Variants in HTT observed in about 807,000 individuals in gnomAD.
The protein encoded by HTT is huntington disease protein.
Under a neutral mutation model 362.3 loss-of-function variants are expected in HTT, and 104 were observed. That is an observed-to-expected ratio of 0.29 (90% CI 0.24 to 0.34). The LOEUF is 0.34. HTT is among the 10% of genes least tolerant of loss of function. The probability of loss-of-function intolerance (pLI) is 1.00; values close to 1 mark genes in which losing one functional copy is unlikely to be tolerated. For synonymous variants in HTT, 1,577 were observed against 1,548.7 expected (o/e 1.02, Z -0.43); for missense variants, 3,301 against 3,928.6 (o/e 0.84, Z 4.27).
chr4:3,127,177 G>A, intron 11 of HTT, 87 bp from the exon 12 acceptor site: 2 of 932,198 alleles, frequency 2.1e-6, no homozygotes, highest in Non-Finnish European at 3.4e-6. Flanking sequence ...TGATAACGGT[G>A]GAACTGTTCG....
chr4:3,126,939 C>G (rs1374671365), intron 11 of HTT, among the ~76,000 whole-genome samples: 3 of 152,110 alleles, frequency 2.0e-5, no homozygotes, highest in Non-Finnish European at 4.4e-5. Flanking sequence ...CTAGGCTGCC[C>G]CTTAATTACA....
Position 3,080,965 on chromosome 4 carries a change from A to G in HTT, c.263+5877A>G, listed in dbSNP as rs577887093. Among the ~76,000 whole-genome samples the G allele has an allele frequency of 7.2e-5, 11 of 152,334 alleles. No individual in the cohort carries two copies. The South Asian group carries it at 1.7e-3, about 23-fold the overall frequency. ...TTGGTCTTTATGTCGATCCTGTGCC[A>G]GTACCATACAGTCTTGATTACTGAA... On this transcript the variant is annotated intron_variant, in intron 1 of 66. Transcript: ENST00000355072.
At position 3,222,586 on chromosome 4, in the gene HTT, T is replaced by C. The variant is rs1695107738; in HGVS notation, c.7470+99T>C. The C allele has an allele frequency of 9.5e-6, 8 of 840,746 alleles. No homozygotes were observed. The South Asian group carries it at 1.3e-4, about 13-fold the overall frequency. The allele number at this position is 840,746 out of a possible 1,614,324, so 52.1% of individuals were successfully genotyped here. ...TAAGGCAGCAAGCTGGTGTTCTTTTTTTCTCTTACCTTATTTTTGAAAGAG... is the reference window on the plus strand; with the variant it reads ...TAAGGCAGCAAGCTGGTGTTCTTTTCTTCTCTTACCTTATTTTTGAAAGAG... On this transcript the variant is annotated intron_variant, in intron 54 of 66. Coordinates refer to ENST00000355072, the MANE Select transcript of HTT (RefSeq NM_001388492.1).
At chr4:3,126,162 C>T (rs138342870) in intron 11 of HTT, among the ~76,000 whole-genome samples, 19 of 152,316 alleles carry the variant, frequency 1.2e-4, no homozygotes, top group African/African-American at 2.9e-4. Context: ...CAGCGATTCT[C>T]CTGCCTCAGC....
rs138923576 is a variant in HTT at position 3,219,557 on chromosome 4, A to G, written c.7243-625A>G. 6.3e-3 allele frequency among the ~76,000 whole-genome samples: 963 copies of G among 152,244 alleles called. 4 individuals are homozygous for G. The highest frequency in any genetic ancestry group is 0.019 in the East Asian group (100 of 5,184). ...GGTAAGAGATTAGCTGGTCATTATCATAGAGCCCCCTCTGCCTTTGTGCAG... is the reference window on the plus strand; with the variant it reads ...GGTAAGAGATTAGCTGGTCATTATCGTAGAGCCCCCTCTGCCTTTGTGCAG... On this transcript the variant is annotated intron_variant, in intron 52 of 66. Coordinates refer to ENST00000355072, the MANE Select transcript of HTT (RefSeq NM_001388492.1).
rs200014691 is a variant in HTT, at chr4:3,198,215, A to ATT, written c.5369-1490_5369-1489dup. The stretch of plus-strand genomic sequence containing the variant: ...ACCCTTTCACTTTGGGGATGTGTTG[A>ATT]TTTTTTTTTTTTTTTTTTTTTTTTT... On this transcript the variant is annotated intron_variant, in intron 40 of 66. Transcript: ENST00000355072. Among the ~76,000 whole-genome samples the ATT allele has an allele frequency of 9.1e-3, 547 of 60,352 alleles. 88 individuals carry two copies. The highest frequency in any genetic ancestry group is 0.023 in the African/African-American group (343 of 15,148). The allele number at this position is 60,352 out of a possible 152,430, so 39.6% of individuals were successfully genotyped here.
intron 5 of HTT, among the ~76,000 whole-genome samples, chr4:3,106,996 A>G (rs1009536969): frequency 1.3e-5 from 2 of 152,138 alleles, no homozygotes; most frequent in South Asian, 2.1e-4. Context: ...ATTTTCTTAC[A>G]CTTATTTTCT....
chr4:3,190,032 A>T (rs543403620), intron 40 of HTT, among the ~76,000 whole-genome samples: 2 of 151,922 alleles, frequency 1.3e-5, no homozygotes, highest in African/African-American at 4.8e-5. Flanking sequence ...ACAAAACAAA[A>T]CAAGACAAGA....
At chr4:3,210,964 G>A (rs1313217857) in intron 47 of HTT, among the ~76,000 whole-genome samples, 3 of 145,534 alleles carry the variant, frequency 2.1e-5, no homozygotes, top group Non-Finnish European at 4.5e-5. Context: ...GTGCAATGGC[G>A]CTATCTTGGC....
Position 3,206,291 on chromosome 4 carries a change from G to A in HTT, c.5719-205G>A, listed in dbSNP as rs538786620. On this transcript the variant is annotated intron_variant, in intron 42 of 66. Coordinates refer to ENST00000355072, the MANE Select transcript of HTT (RefSeq NM_001388492.1). This position sits in a 1 kb window ranked among gnomAD's most constrained non-coding sequence, Gnocchi z 4.6. ...GGCCTAACTTCACACAGCCTCTGCCGCAGTGCGTGGTTGGAGGTGACGGCC... is the reference window on the plus strand; with the variant it reads ...GGCCTAACTTCACACAGCCTCTGCCACAGTGCGTGGTTGGAGGTGACGGCC... Among the ~76,000 whole-genome samples the A allele has an allele frequency of 8.5e-5, 13 of 152,358 alleles. No homozygotes were observed. Among genetic ancestry groups the A allele is most frequent in the African/African-American group, 1.9e-4 (8 of 41,586 alleles).
intron 12 of HTT, among the ~76,000 whole-genome samples, chr4:3,128,086 C>T (rs1184659136): frequency 6.6e-6 from 1 of 152,118 alleles, no homozygotes; most frequent in Non-Finnish European, 1.5e-5. Context: ...GTGGGCACCA[C>T]CACACTCAGC....
chr4:3,240,457 C>G lies in HTT; in HGVS notation c.*398C>G. On this transcript the variant is annotated 3_prime_UTR_variant, in exon 67 of 67. Transcript: ENST00000355072. ...TCTGCTGTCCTGCAGTAGAAGGTGC[C>G]GTGAGCAGGCTTTGGGAACACTGGC... 3.9e-6 allele frequency: 1 copy of G among 259,734 alleles called. No homozygotes were observed. The highest frequency in any genetic ancestry group is 7.5e-6 in the Non-Finnish European group (1 of 132,708). The allele number at this position is 259,734 out of a possible 1,614,324, so 16.1% of individuals were successfully genotyped here. A position where few individuals can be genotyped will look rare whatever the true frequency, so the allele number is the denominator to read the frequency against.
At chr4:3,167,556 C>T (rs1260127531) in intron 29 of HTT, among the ~76,000 whole-genome samples, 2 of 151,852 alleles carry the variant, frequency 1.3e-5, no homozygotes, top group Admixed American at 6.6e-5. Flanking sequence ...GTAAGATTTT[C>T]TTTTTTGTAT....
chr4:3,224,206 C>G, intron 56 of HTT, 75 bp downstream of exon 56: 1 of 1,480,476 alleles, frequency 6.8e-7, no homozygotes, highest in African/African-American at 1.4e-5. Flanking sequence ...GCTCACCACA[C>G]CAGTGATGCG....
chr4:3,108,298 T>C (rs1460062665), intron 6 of HTT, among the ~76,000 whole-genome samples: 1 of 152,268 alleles, frequency 6.6e-6, no homozygotes, highest in Non-Finnish European at 1.5e-5. Context: ...CGAAGTTTTC[T>C]TGTTAATACT....
chr4:3,176,026 T>TTTG lies in HTT; in HGVS notation c.4407+921_4407+922insGTT, dbSNP rs796511136. 3.4e-5 allele frequency among the ~76,000 whole-genome samples: 4 copies of TTTG among 117,314 alleles called. 1 individual carries two copies. The highest frequency in any genetic ancestry group is 1.7e-4 in the African/African-American group (4 of 23,354). The allele number at this position is 117,314 out of a possible 152,430, so 77.0% of individuals were successfully genotyped here. ...TTGTTTTTTTTGTTGTTGTTGTTTG[T>TTTG]TTTTTTTTGTTTTTTTTTTGAGATG... On this transcript the variant is annotated intron_variant, in intron 33 of 66. Transcript: ENST00000355072.
intron 64 of HTT, 91 bp downstream of exon 64, chr4:3,236,345 C>A: frequency 1.1e-6 from 1 of 908,280 alleles, no homozygotes; most frequent in East Asian, 2.4e-5. Flanking sequence ...GATCCCCTGG[C>A]GCTGTTGCTG....
chr4:3,242,121 ATGT>A lies in HTT; in HGVS notation c.*2067_*2069del, dbSNP rs1721830858. ...CTGAGACAGCAGTATCACAGGCCAG[ATGT>A]TGTTCCTGGCTAGATGTTTACATTT... On this transcript the variant is annotated 3_prime_UTR_variant, in exon 67 of 67. Coordinates refer to ENST00000355072, the MANE Select transcript of HTT (RefSeq NM_001388492.1). The A allele has an allele frequency of 6.6e-6, 1 of 152,214 alleles. No homozygotes were observed. Among genetic ancestry groups the A allele is most frequent in the Non-Finnish European group, 1.5e-5 (1 of 68,048 alleles). The allele number at this position is 152,214 out of a possible 1,614,324, so 9.4% of individuals were successfully genotyped here.
rs748098904 is a variant in HTT, at chr4:3,154,321, C to G, written c.3527C>G (p.Pro1176Arg). 10 of 1,605,886 alleles carry G rather than the reference C, an allele frequency of 6.2e-6. No homozygotes were observed. In the South Asian group the frequency reaches 1.0e-4, roughly 16 times the overall value. Reference sequence around the variant, plus strand: ...GCCTTGCCTTCTCTAACAAACCCCCCTTCTCTAAGTCCCATCCGACGAAAG... The same window carrying G: ...GCCTTGCCTTCTCTAACAAACCCCCGTTCTCTAAGTCCCATCCGACGAAAG... ...KAALPSLTNP[P>R]SLSPIRRKGK... Residue 1176 changes from proline to arginine, a missense_variant, in exon 27 of 67, where the codon CCT becomes CGT. Coordinates refer to ENST00000355072, the MANE Select transcript of HTT (RefSeq NM_001388492.1).
Sources: allele counts gnomAD v4.1 joint callset (sites outside exome capture counted in the v4.1 genomes callset), GRCh38; gene constraint gnomAD v4.1.1; non-coding constraint Gnocchi (gnomAD v3.1); transcripts MANE v1.5; gene names NCBI Gene and HGNC (gene_info 2026-07-23, HGNC 2026-07-21).